NBAS: variants seen among roughly 807,000 people sequenced by gnomAD.
NBAS encodes NAG/BC035112 fusion.
NBAS carries 219 observed loss-of-function variants against 302.5 expected under a neutral mutation model. The ratio of observed to expected loss-of-function variants is 0.72; its 90% CI spans 0.65 to 0.81. NBAS has a LOEUF of 0.81. Among genes scored for constraint, NBAS ranks in the 30% least tolerant of loss-of-function variants. The probability of loss-of-function intolerance (pLI) is 0.00; values close to 1 mark genes in which losing one functional copy is unlikely to be tolerated. For missense variants in NBAS, 2,932 were observed against 2,841.6 expected (o/e 1.03, Z -0.72); for synonymous variants, 1,118 against 1,021.6 (o/e 1.09, Z -1.80).
At chr2:15,106,389 G>A in the NBAS span, among the ~76,000 whole-genome samples, 4 of 151,858 alleles carry the variant, frequency 2.6e-5, no homozygotes, top group Admixed American at 2.0e-4. Flanking sequence ...TCTATTAATC[G>A]TTTAACTTCC....
In NBAS at chr2:15,489,113, A is replaced by G. The variant is rs1680752790; in HGVS notation, c.955-91T>C. On this transcript the variant is annotated intron_variant, in intron 11 of 51. Coordinates refer to ENST00000281513, the MANE Select transcript of NBAS (RefSeq NM_015909.4). ...TGACACTCTTTAGAGGTGCCAAGTT[A>G]TAAATGATCTTTAGTAATTAAGAGT... The G allele has an allele frequency of 2.9e-6, 4 of 1,401,234 alleles. No individual in the cohort carries two copies. The East Asian group carries it at 9.5e-5, about 33-fold the overall frequency. The allele number at this position is 1,401,234 out of a possible 1,614,324, so 86.8% of individuals were successfully genotyped here. A position where few individuals can be genotyped will look rare whatever the true frequency, so the allele number is the denominator to read the frequency against.
intron 3 of NBAS, among the ~76,000 whole-genome samples, chr2:15,555,637 T>A (rs1006627102): frequency 2.0e-5 from 3 of 152,110 alleles, no homozygotes; most frequent in African/African-American, 7.2e-5. Flanking sequence ...GAGCACAAAT[T>A]GAACTATAAT....
At position 15,447,434 on chromosome 2, in the gene NBAS, T is replaced by C. The variant is rs144893885; in HGVS notation, c.2339+13767A>G. ...TAGGTAAAATAGTTCTCTTGGTCCC[T>C]TGATTAAGAGAAAAAGCTAATGTGC... On this transcript the variant is annotated intron_variant, in intron 21 of 51. Coordinates refer to ENST00000281513, the MANE Select transcript of NBAS (RefSeq NM_015909.4). Among the ~76,000 whole-genome samples the C allele has an allele frequency of 5.3e-4, 80 of 152,296 alleles. 1 individual carries two copies. The East Asian group carries it at 0.015, about 29-fold the overall frequency.
At chr2:15,015,151 A>C in the NBAS span, among the ~76,000 whole-genome samples, 1 of 147,284 alleles carries the variant, frequency 6.8e-6, no homozygotes, top group African/African-American at 2.5e-5. Flanking sequence ...AAGTTTCCCA[A>C]AAAAAAAAAA....
the NBAS span, among the ~76,000 whole-genome samples, chr2:15,136,662 G>A: frequency 6.6e-6 from 1 of 152,160 alleles, no homozygotes; most frequent in African/African-American, 2.4e-5. Flanking sequence ...GGGAGACACG[G>A]GTTTAGTGCC....
chr2:15,000,104 T>C, the NBAS span, among the ~76,000 whole-genome samples: 89 of 152,312 alleles, frequency 5.8e-4, no homozygotes, highest in East Asian at 0.016. Context: ...CTTAAAAATG[T>C]TTTTAGTGAG....
chr2:14,856,199 G>A, the NBAS span, among the ~76,000 whole-genome samples: 4 of 152,170 alleles, frequency 2.6e-5, no homozygotes, highest in African/African-American at 9.7e-5. Flanking sequence ...GACAATCAAG[G>A]CAGTACCTCT....
chr2:14,883,554 T>C, the NBAS span, among the ~76,000 whole-genome samples: 4 of 151,924 alleles, frequency 2.6e-5, no homozygotes, highest in African/African-American at 2.4e-5. Context: ...CGGCAGAAAA[T>C]TGTGGCCAAA....
At chr2:15,366,718 A>C in intron 31 of NBAS, 25 bp from the exon 32 acceptor site, 1 of 1,605,982 alleles carries the variant, frequency 6.2e-7, no homozygotes, top group Non-Finnish European at 8.5e-7. Context: ...CGTATTAAAG[A>C]CTTGGACCAG....
intron 47 of NBAS, among the ~76,000 whole-genome samples, chr2:15,221,361 C>T (rs543184402): frequency 5.3e-5 from 8 of 152,254 alleles, no homozygotes; most frequent in South Asian, 2.1e-4. Flanking sequence ...ATACAAAGCA[C>T]CTAGCAAATT....
chr2:15,109,596 A>C, the NBAS span, among the ~76,000 whole-genome samples: 3 of 152,186 alleles, frequency 2.0e-5, no homozygotes, highest in East Asian at 5.8e-4. Flanking sequence ...TGGAAGGCTC[A>C]GATCAGGTGC....
the NBAS span, among the ~76,000 whole-genome samples, chr2:15,007,983 A>C: frequency 6.6e-6 from 1 of 152,238 alleles, no homozygotes; most frequent in Non-Finnish European, 1.5e-5. Context: ...TGACAAAAAC[A>C]AAATAACATG....
intron 47 of NBAS, among the ~76,000 whole-genome samples, chr2:15,230,330 A>G (rs1197239504): frequency 6.6e-6 from 1 of 150,460 alleles, no homozygotes; most frequent in Non-Finnish European, 1.5e-5. Flanking sequence ...AACTGTGCAG[A>G]TTCAAAAAAT....
intron 36 of NBAS, 35 bp from the exon 37 acceptor site, chr2:15,328,347 A>G (rs764350064): frequency 6.5e-7 from 1 of 1,528,438 alleles, no homozygotes; most frequent in Non-Finnish European, 9.1e-7. Flanking sequence ...AATGGATAAA[A>G]AGAAAGAGAA....
chr2:15,087,776 G>GATAA, the NBAS span, among the ~76,000 whole-genome samples: 1 of 152,236 alleles, frequency 6.6e-6, no homozygotes, highest in Admixed American at 6.5e-5. Flanking sequence ...CATTCACATG[G>GATAA]ATAACATTTG....
At chr2:15,379,289 G>A (rs980045327) in intron 30 of NBAS, among the ~76,000 whole-genome samples, 20 of 150,976 alleles carry the variant, frequency 1.3e-4, no homozygotes, top group African/African-American at 4.6e-4. Context: ...CATTACCTAC[G>A]CATGCTGAAA....
intron 40 of NBAS, among the ~76,000 whole-genome samples, chr2:15,305,449 G>GT (rs35136896): frequency 0.026 from 3,177 of 123,744 alleles, 123 homozygotes; most frequent in African/African-American, 0.076. Flanking sequence ...GTCTCGAGCA[G>GT]TTTTTTTTTT....
At chr2:15,312,661 C>A (rs1671332728) in intron 38 of NBAS, among the ~76,000 whole-genome samples, 1 of 152,146 alleles carries the variant, frequency 6.6e-6, no homozygotes, top group Non-Finnish European at 1.5e-5. Context: ...CTGGCCTTAC[C>A]AACTCCTTGT....
the NBAS span, among the ~76,000 whole-genome samples, chr2:14,840,788 C>T: frequency 6.6e-6 from 1 of 151,946 alleles, no homozygotes; most frequent in African/African-American, 2.4e-5. Context: ...AAAGAGAGTT[C>T]TCAATTTGAA....
Sources: allele counts gnomAD v4.1 joint callset (sites outside exome capture counted in the v4.1 genomes callset), GRCh38; gene constraint gnomAD v4.1.1; transcripts MANE v1.5; gene names NCBI Gene and HGNC (gene_info 2026-07-23, HGNC 2026-07-21).